The following ZFHX3 variants were observed in gnomAD, a reference collection of about 807,000 sequenced individuals.
The protein encoded by ZFHX3 is zinc finger homeobox 3.
A neutral mutation model predicts 279.1 loss-of-function variants in ZFHX3; 42 were observed. The ratio of observed to expected loss-of-function variants is 0.15; its 90% confidence interval spans 0.12 to 0.19. The LOEUF is 0.19. ZFHX3 is among the 10% of genes least tolerant of loss of function. The pLI is 1.00. For missense variants in ZFHX3, 4,981 were observed against 4,754.0 expected, an observed-to-expected ratio of 1.05 and a Z score of -1.40; for synonymous variants, 2,293 against 1,957.8, an observed-to-expected ratio of 1.17 and a Z score of -4.52.
intron 3 of ZFHX3, among the ~76,000 whole-genome samples, chr16:73,370,510 T>C (rs1479291661): frequency 1.3e-5 from 2 of 152,126 alleles, no homozygotes; most frequent in Non-Finnish European, 2.9e-5. Flanking sequence ...TAAACACAAA[T>C]AGGAAGCTCA....
At chr16:73,482,697 T>C (rs1017915007) in intron 2 of ZFHX3, among the ~76,000 whole-genome samples, 2 of 152,224 alleles carry the variant, frequency 1.3e-5, no homozygotes, top group African/African-American at 4.8e-5. Context: ...ATGCCATTTC[T>C]GCAATGAGGT....
At chr16:72,933,370 C>T (rs1048536248) in intron 3 of ZFHX3, among the ~76,000 whole-genome samples, 13 of 151,980 alleles carry the variant, frequency 8.6e-5, no homozygotes, top group Non-Finnish European at 1.5e-4. Context: ...GAAGAGACCT[C>T]GAAGCTTCTA....
intron 2 of ZFHX3, chr16:73,487,411 T>TTA (rs1433850448): frequency 2.4e-6 from 1 of 420,506 alleles, no homozygotes; most frequent in Non-Finnish European, 4.7e-6. Flanking sequence ...CTATGTGATT[T>TTA]TTTTTTTTTT....
At chr16:73,424,363 A>C (rs1226083822) in intron 3 of ZFHX3, among the ~76,000 whole-genome samples, 2 of 152,206 alleles carry the variant, frequency 1.3e-5, no homozygotes, top group African/African-American at 4.8e-5. Context: ...TGTCTGAAAC[A>C]CAGAGGCCAT....
chr16:73,248,126 C>T (rs2013359117), intron 5 of ZFHX3, among the ~76,000 whole-genome samples: 2 of 147,506 alleles, frequency 1.4e-5, no homozygotes. Context: ...TGTGTGTATA[C>T]TGTGTATAAA....
chr16:73,836,485 C>T (rs368035335), intron 1 of ZFHX3, among the ~76,000 whole-genome samples: 29 of 152,282 alleles, frequency 1.9e-4, no homozygotes, highest in South Asian at 1.4e-3. Flanking sequence ...TTCATAAACA[C>T]GTAAGAATAA....
intron 5 of ZFHX3, among the ~76,000 whole-genome samples, chr16:73,254,354 T>C (rs1043939507): frequency 6.6e-6 from 1 of 151,950 alleles, no homozygotes; most frequent in Admixed American, 6.6e-5. Flanking sequence ...TTTCCTGCAA[T>C]ACATCTCTTG....
At chr16:73,835,763 G>A (rs370249401) in intron 1 of ZFHX3, among the ~76,000 whole-genome samples, 2 of 151,962 alleles carry the variant, frequency 1.3e-5, no homozygotes, top group South Asian at 2.1e-4. Flanking sequence ...GAGCCACCAC[G>A]CCCGGCCTCC....
At chr16:73,402,848 C>G (rs550070680) in intron 3 of ZFHX3, among the ~76,000 whole-genome samples, 1 of 151,096 alleles carries the variant, frequency 6.6e-6, no homozygotes, top group Admixed American at 6.6e-5. Flanking sequence ...CCCTAAGGTA[C>G]GGCAGAGGGA....
chr16:73,836,014 G>A (rs1195991024), intron 1 of ZFHX3, among the ~76,000 whole-genome samples: 2 of 152,180 alleles, frequency 1.3e-5, no homozygotes, highest in South Asian at 2.1e-4. Context: ...GCATGGAAAG[G>A]AAAATGGAGG....
chr16:73,699,252 G>T (rs1256618251), intron 1 of ZFHX3, among the ~76,000 whole-genome samples: 5 of 152,012 alleles, frequency 3.3e-5, no homozygotes, highest in Non-Finnish European at 5.9e-5. Context: ...TGATAGTGGG[G>T]GTGTGTAAGG....
chr16:73,341,642 G>A (rs1038982024), intron 3 of ZFHX3, among the ~76,000 whole-genome samples: 6 of 152,064 alleles, frequency 3.9e-5, no homozygotes, highest in Admixed American at 6.6e-5. Flanking sequence ...TGCATTATTC[G>A]TAATAGACTA....
chr16:73,151,965 G>A (rs1966954959), intron 5 of ZFHX3, among the ~76,000 whole-genome samples: 1 of 148,072 alleles, frequency 6.8e-6, no homozygotes, highest in African/African-American at 2.5e-5. Context: ...GAGGGGCGGA[G>A]AAGAGAGCTG....
At chr16:73,878,820 G>A (rs2030040902) in intron 1 of ZFHX3, among the ~76,000 whole-genome samples, 1 of 151,690 alleles carries the variant, frequency 6.6e-6, no homozygotes, top group Non-Finnish European at 1.5e-5. Context: ...AGACTACAAT[G>A]CCATCTACTG....
chr16:73,276,803 G>A (rs184076601), intron 4 of ZFHX3, among the ~76,000 whole-genome samples: 2 of 152,246 alleles, frequency 1.3e-5, no homozygotes, highest in Admixed American at 1.3e-4. Flanking sequence ...CATGAATGTG[G>A]GAAATAGTCG....
chr16:72,872,265 T>C (rs185416200), intron 4 of ZFHX3, among the ~76,000 whole-genome samples: 25 of 152,268 alleles, frequency 1.6e-4, no homozygotes, highest in Admixed American at 1.5e-3. Context: ...GTTTCCATAT[T>C]GAGGAAAATG....
At chr16:73,830,405 C>G (rs1008238108) in intron 1 of ZFHX3, among the ~76,000 whole-genome samples, 5 of 152,068 alleles carry the variant, frequency 3.3e-5, no homozygotes, top group African/African-American at 1.2e-4. Context: ...GGAGCTGTTC[C>G]TATTCGGCCA....
chr16:73,594,246 A>C (rs1331436401), intron 2 of ZFHX3, among the ~76,000 whole-genome samples: 1 of 152,212 alleles, frequency 6.6e-6, no homozygotes, highest in African/African-American at 2.4e-5. Flanking sequence ...TTTTAAAAAG[A>C]TATCATGTAA....
intron 1 of ZFHX3, among the ~76,000 whole-genome samples, chr16:73,890,959 G>A (rs571171007): frequency 6.6e-6 from 1 of 151,764 alleles, no homozygotes; most frequent in East Asian, 1.9e-4. Flanking sequence ...CAGAAGAGGC[G>A]CTCCCCTCTC....
Sources: allele counts gnomAD v4.1 joint callset (sites outside exome capture counted in the v4.1 genomes callset), GRCh38; gene constraint gnomAD v4.1.1; transcripts MANE v1.5; gene names NCBI Gene and HGNC (gene_info 2026-07-23, HGNC 2026-07-21).